NALCN: variants seen among roughly 807,000 people sequenced by gnomAD.
NALCN encodes sodium leak channel NALCN.
A neutral mutation model predicts 225.3 loss-of-function variants in NALCN; 111 were observed. The observed-to-expected ratio is 0.49, with a 90% CI of 0.42 to 0.58. The LOEUF (loss-of-function observed/expected upper bound fraction) is 0.58, where lower values mean the gene tolerates loss of function less well. Ranked by LOEUF, NALCN falls within the 20% of genes least tolerant of loss-of-function variation. The pLI, the probability that NALCN is intolerant of heterozygous loss-of-function variation, is 0.00. For synonymous variants in NALCN, 764 were observed against 769.0 expected (o/e 0.99, Z 0.11); for missense variants, 1,378 against 2,202.4 (o/e 0.63, Z 7.49).
intron 3 of NALCN, among the ~76,000 whole-genome samples, chr13:101,385,400 C>T (rs1381224571): frequency 6.6e-6 from 1 of 152,012 alleles, no homozygotes; most frequent in Non-Finnish European, 1.5e-5. Context: ...ATGCCTGCCT[C>T]CCCCATAGCT....
intron 15 of NALCN, among the ~76,000 whole-genome samples, chr13:101,147,569 T>C (rs1392601567): frequency 6.6e-6 from 1 of 152,062 alleles, no homozygotes; most frequent in Non-Finnish European, 1.5e-5. Context: ...AACAAAAATA[T>C]AAACTTTTCT....
chr13:101,172,756 A>G (rs542606941), intron 15 of NALCN, among the ~76,000 whole-genome samples: 140 of 152,024 alleles, frequency 9.2e-4, no homozygotes, highest in African/African-American at 3.3e-3. Flanking sequence ...TTTAGTAGAG[A>G]CGGGATTTCA....
intron 13 of NALCN, among the ~76,000 whole-genome samples, chr13:101,214,420 T>G (rs2040649184): frequency 1.3e-5 from 2 of 152,138 alleles, no homozygotes. Context: ...GTTATGCACA[T>G]GTACCCTAGA....
chr13:101,129,510 G>C (rs1008359586), intron 17 of NALCN, among the ~76,000 whole-genome samples: 1 of 152,070 alleles, frequency 6.6e-6, no homozygotes, highest in Admixed American at 6.5e-5. Context: ...ATGACAAGAT[G>C]CTCCAAGGTC....
rs551095667 is a variant in NALCN, at chr13:101,316,643, C to T, written c.800-24277G>A. ...TAGCCATCTGTCAGCACTCTGATTC[C>T]CTGTCAAGAATATACCCTTTTATAC... On this transcript the variant is annotated intron_variant, in intron 7 of 43. Transcript: ENST00000251127. Among the ~76,000 whole-genome samples the T allele has an allele frequency of 2.6e-5, 4 of 152,198 alleles. No individual in the cohort carries two copies. In the South Asian group the frequency reaches 8.3e-4, roughly 32 times the overall value.
chr13:101,209,017 T>C (rs2040426170), intron 13 of NALCN, among the ~76,000 whole-genome samples: 1 of 152,234 alleles, frequency 6.6e-6, no homozygotes, highest in Non-Finnish European at 1.5e-5. Context: ...CTTCTAGTTA[T>C]TGTAGCCTTA....
intron 14 of NALCN, among the ~76,000 whole-genome samples, chr13:101,186,830 G>A (rs2039468531): frequency 6.6e-6 from 1 of 152,076 alleles, no homozygotes; most frequent in African/African-American, 2.4e-5. Flanking sequence ...AGTAAGTAGA[G>A]ATGAGCTAAA....
chr13:101,177,513 G>T (rs79696591), intron 14 of NALCN, among the ~76,000 whole-genome samples: 206 of 150,780 alleles, frequency 1.4e-3, no homozygotes, highest in Non-Finnish European at 2.4e-3. Context: ...AATGGTACTT[G>T]CTTTTGTGTA....
At chr13:101,131,595 C>T (rs1038954413) in intron 17 of NALCN, among the ~76,000 whole-genome samples, 1 of 152,092 alleles carries the variant, frequency 6.6e-6, no homozygotes, top group African/African-American at 2.4e-5. Context: ...TTTGATTCCA[C>T]TCCTGGACTT....
intron 7 of NALCN, among the ~76,000 whole-genome samples, chr13:101,317,346 T>G (rs1330309663): frequency 6.6e-6 from 1 of 152,244 alleles, no homozygotes; most frequent in Non-Finnish European, 1.5e-5. Context: ...AGACATCCTC[T>G]GGAAATGCTA....
At chr13:101,295,051 C>A (rs1192387927) in intron 7 of NALCN, among the ~76,000 whole-genome samples, 2 of 152,122 alleles carry the variant, frequency 1.3e-5, no homozygotes, top group African/African-American at 4.8e-5. Flanking sequence ...ATAGCCCTAT[C>A]TTATCCATAT....
At chr13:101,382,931 T>A (rs1334594541) in intron 3 of NALCN, among the ~76,000 whole-genome samples, 1 of 152,198 alleles carries the variant, frequency 6.6e-6, no homozygotes, top group African/African-American at 2.4e-5. Flanking sequence ...CAGTGAAGTA[T>A]GGAAATAATC....
intron 6 of NALCN, among the ~76,000 whole-genome samples, chr13:101,346,057 T>G: frequency 1.3e-5 from 1 of 75,560 alleles, no homozygotes; most frequent in African/African-American, 5.0e-5. Flanking sequence ...TTGAGAGACT[T>G]TCTCTCTCTC....
intron 30 of NALCN, among the ~76,000 whole-genome samples, chr13:101,086,971 T>A (rs1260255498): frequency 6.6e-6 from 1 of 152,128 alleles, no homozygotes; most frequent in African/African-American, 2.4e-5. Context: ...TACTTTGTTA[T>A]ACATAAAAAA....
chr13:101,220,347 C>T (rs140457246), intron 13 of NALCN, among the ~76,000 whole-genome samples: 6 of 152,282 alleles, frequency 3.9e-5, no homozygotes, highest in East Asian at 1.9e-4. Flanking sequence ...GTGCGTCTGA[C>T]GACAAATCTA....
At chr13:101,342,634 A>C (rs1490692344) in intron 7 of NALCN, among the ~76,000 whole-genome samples, 4 of 152,142 alleles carry the variant, frequency 2.6e-5, no homozygotes, top group Non-Finnish European at 4.4e-5. Context: ...CTTCTCAGGA[A>C]GTTTTCTGTT....
intron 10 of NALCN, among the ~76,000 whole-genome samples, chr13:101,283,174 T>C (rs958743780): frequency 6.6e-6 from 1 of 152,098 alleles, no homozygotes; most frequent in Non-Finnish European, 1.5e-5. Flanking sequence ...AGTGAAAATA[T>C]TATGGAAAGT....
intron 6 of NALCN, among the ~76,000 whole-genome samples, chr13:101,364,402 A>C (rs898421029): frequency 1.3e-5 from 2 of 152,204 alleles, no homozygotes; most frequent in African/African-American, 4.8e-5. Flanking sequence ...ATTCAGCCAT[A>C]AAAATGAGTG....
In NALCN at chr13:101,292,441, C is replaced by A. The variant is rs923928747; in HGVS notation, c.800-75G>T. On this transcript the variant is annotated intron_variant, in intron 7 of 43. Transcript: ENST00000251127. The surrounding 1 kb of genome is among the most constrained non-coding windows in gnomAD (Gnocchi z 4.3). ...AGAAAGCATTTTCCAGAAAAACAAT[C>A]AATATTTATCCATACTTATTTTCTC... 12 of 1,447,374 alleles carry A rather than the reference C, an allele frequency of 8.3e-6. No individual in the cohort carries two copies. In the Admixed American group the frequency reaches 1.8e-4, roughly 22 times the overall value. The allele number at this position is 1,447,374 out of a possible 1,614,324, so 89.7% of individuals were successfully genotyped here.
Sources: allele counts gnomAD v4.1 joint callset (sites outside exome capture counted in the v4.1 genomes callset), GRCh38; gene constraint gnomAD v4.1.1; non-coding constraint Gnocchi (gnomAD v3.1); transcripts MANE v1.5; gene names NCBI Gene and HGNC (gene_info 2026-07-23, HGNC 2026-07-21).